Variants in HIPK2 observed in about 807,000 individuals in gnomAD.
HIPK2 encodes homeodomain-interacting protein kinase 2.
A neutral mutation model predicts 113.7 loss-of-function variants in HIPK2; 27 were observed. The ratio of observed to expected loss-of-function variants is 0.24; its 90% confidence interval spans 0.17 to 0.33. The LOEUF is 0.33. Among genes scored for constraint, HIPK2 ranks in the 10% least tolerant of loss-of-function variants. The pLI is 1.00. For missense variants in HIPK2, 1,257 were observed against 1,588.0 expected (o/e 0.79, Z 3.54); for synonymous variants, 631 against 642.2 (o/e 0.98, Z 0.26).
rs542486167 is a variant in HIPK2 at position 139,620,393 on chromosome 7, C to T, written c.1782+8G>A. ...CCCGCCTCTCCTTCCCTTCTGTTTC[C>T]CACTTACCTGGTTGTGGACAGTGGT... On this transcript the variant is annotated splice_region_variant and intron_variant, in intron 7 of 14. Coordinates refer to ENST00000406875, the MANE Select transcript of HIPK2 (RefSeq NM_022740.5). 2.5e-6 allele frequency: 4 copies of T among 1,613,920 alleles called. No individual in the cohort carries two copies. The African/African-American group carries it at 4.0e-5, about 16-fold the overall frequency.
intron 1 of HIPK2, among the ~76,000 whole-genome samples, chr7:139,770,742 A>T (rs1796636482): frequency 6.6e-6 from 1 of 152,250 alleles, no homozygotes; most frequent in African/African-American, 2.4e-5. Context: ...CATGCAGAAG[A>T]ATTGATCAAT....
chr7:139,575,152 C>T lies in HIPK2; in HGVS notation c.3102G>A (p.Gln1034=). The change falls in exon 14 of 15, where the codon CAG becomes CAA. Residue 1034 remains glutamine, a synonymous_variant. Transcript: ENST00000406875. ...RQQRPGPHFQ[Q]QQPLNLSQAQ... The stretch of plus-strand genomic sequence containing the variant: ...CCTGGCTGAGATTGAGTGGCTGCTG[C>T]TGCTGGAAGTGGGGGCCCGGCCGCT... 6.3e-7 allele frequency: 1 copy of T among 1,594,934 alleles called. No individual in the cohort carries two copies. Among genetic ancestry groups the T allele is most frequent in the Non-Finnish European group, 8.5e-7 (1 of 1,171,412 alleles).
At chr7:139,595,112 A>T (rs568181838) in intron 12 of HIPK2, among the ~76,000 whole-genome samples, 1 of 152,258 alleles carries the variant, frequency 6.6e-6, no homozygotes, top group Admixed American at 6.5e-5. Flanking sequence ...GTCAACTCAG[A>T]TCTCATACGT....
intron 2 of HIPK2, among the ~76,000 whole-genome samples, chr7:139,690,385 C>T (rs1429544582): frequency 1.4e-5 from 2 of 144,664 alleles, no homozygotes; most frequent in Non-Finnish European, 2.9e-5. Flanking sequence ...TGTCCCCCTC[C>T]AATCTTATGT....
Position 139,572,044 on chromosome 7 carries a change from G to C in HIPK2, c.*883C>G, listed in dbSNP as rs964099937. 2.0e-4 allele frequency: 31 copies of C among 152,370 alleles called. No homozygotes were observed. Among genetic ancestry groups the C allele is most frequent in the African/African-American group, 7.5e-4 (31 of 41,576 alleles). 9.4% of individuals were successfully genotyped at this position (152,370 alleles called of 1,614,324 possible). A position where few individuals can be genotyped will look rare whatever the true frequency, so the allele number is the denominator to read the frequency against. ...GGGTGCTGAGTGCTACATTCTACTA[G>C]GGTGTCTGTGACGACCGCTAGCCCT... On this transcript the variant is annotated 3_prime_UTR_variant, in exon 15 of 15. Coordinates refer to ENST00000406875, the MANE Select transcript of HIPK2 (RefSeq NM_022740.5).
At chr7:139,623,993 C>A (rs1386622940) in intron 6 of HIPK2, among the ~76,000 whole-genome samples, 1 of 151,856 alleles carries the variant, frequency 6.6e-6, no homozygotes, top group African/African-American at 2.4e-5. Flanking sequence ...GAAGTGAGAC[C>A]CTCCATTACC....
chr7:139,737,508 G>T (rs1035743958), intron 1 of HIPK2, among the ~76,000 whole-genome samples: 5 of 152,126 alleles, frequency 3.3e-5, no homozygotes, highest in Admixed American at 6.5e-5. Context: ...ACTGCAATTT[G>T]CTCATTACCC....
chr7:139,747,962 C>T (rs1796216059), intron 1 of HIPK2, among the ~76,000 whole-genome samples: 1 of 152,194 alleles, frequency 6.6e-6, no homozygotes, highest in Non-Finnish European at 1.5e-5. Context: ...CCGAGAGAGA[C>T]ATCAGTACGG....
At chr7:139,690,968 C>T (rs1204247416) in intron 2 of HIPK2, among the ~76,000 whole-genome samples, 3 of 152,198 alleles carry the variant, frequency 2.0e-5, no homozygotes, top group Non-Finnish European at 4.4e-5. Flanking sequence ...TGGACAATCT[C>T]GGCCTGGGAA....
rs1794139809 is a variant in HIPK2, at chr7:139,683,954, A to G, written c.1103+31978T>C. 8.4e-6 allele frequency among the ~76,000 whole-genome samples: 1 copy of G among 119,542 alleles called. No individual in the cohort carries two copies. 78.4% of individuals were successfully genotyped at this position (119,542 alleles called of 152,430 possible). ...AGCTTGACTGAGCTTTGCAGATACC[A>G]TGATTTTTTTTTTTTACACAAATTG... On this transcript the variant is annotated intron_variant, in intron 2 of 14. Coordinates refer to ENST00000406875, the MANE Select transcript of HIPK2 (RefSeq NM_022740.5). The surrounding 1 kb of genome is among the most constrained non-coding windows in gnomAD (Gnocchi z 4.2).
intron 12 of HIPK2, among the ~76,000 whole-genome samples, chr7:139,588,546 T>A (rs1798913837): frequency 6.8e-6 from 1 of 147,832 alleles, no homozygotes. Context: ...TGTCTACCAA[T>A]AACAACAAAA....
chr7:139,716,922 T>G lies in HIPK2; in HGVS notation c.113A>C (p.Asn38Thr), dbSNP rs758660941. The G allele has an allele frequency of 3.1e-6, 5 of 1,613,824 alleles. No homozygotes were observed. In the Admixed American group the frequency reaches 8.3e-5, roughly 27 times the overall value. The part of the protein sequence containing the change: ...VKKLKIEPSS[N>T]WDMTGYGSHS... The stretch of plus-strand genomic sequence containing the variant: ...GGAGCCGTACCCAGTCATGTCCCAG[T>G]TGGAACTCGGCTCTATTTTCAGTTT... Residue 38 changes from asparagine (N) to threonine (T), a missense_variant, in exon 2 of 15, where the codon AAC (asparagine) becomes ACC (threonine). Asn to Thr is a moderately conservative substitution (Grantham distance 65, BLOSUM62 0). Transcript: ENST00000406875. This position sits in a 1 kb window ranked among gnomAD's most constrained non-coding sequence, Gnocchi z 9.3.
intron 1 of HIPK2, among the ~76,000 whole-genome samples, chr7:139,741,878 G>A (rs1020953454): frequency 1.3e-5 from 2 of 152,216 alleles, no homozygotes; most frequent in Non-Finnish European, 2.9e-5. Context: ...AGAAAACAAA[G>A]ATAAGAACGT....
At chr7:139,691,377 G>A (rs191294075) in intron 2 of HIPK2, among the ~76,000 whole-genome samples, 291 of 152,352 alleles carry the variant, frequency 1.9e-3, no homozygotes, top group Non-Finnish European at 2.9e-3. Context: ...CATATCTGCG[G>A]AGAGAGTGAC....
intron 2 of HIPK2, among the ~76,000 whole-genome samples, chr7:139,682,264 T>G (rs1214152528): frequency 6.6e-6 from 1 of 152,082 alleles, no homozygotes; most frequent in Non-Finnish European, 1.5e-5. Flanking sequence ...ACTCACTCAC[T>G]CATCAAACAT....
intron 2 of HIPK2, among the ~76,000 whole-genome samples, chr7:139,695,321 T>C (rs1265787106): frequency 6.6e-6 from 1 of 152,100 alleles, no homozygotes; most frequent in Non-Finnish European, 1.5e-5. Flanking sequence ...GAACGGAGGG[T>C]TAGGCCTCAC....
At chr7:139,665,036 TCTC>T (rs1046523127) in intron 2 of HIPK2, among the ~76,000 whole-genome samples, 9 of 139,670 alleles carry the variant, frequency 6.4e-5, no homozygotes, top group Non-Finnish European at 9.2e-5. Context: ...CTTCTTTCTC[TCTC>T]TTTTTTTTTT....
At chr7:139,698,184 T>C (rs929168589) in intron 2 of HIPK2, among the ~76,000 whole-genome samples, 1 of 152,238 alleles carries the variant, frequency 6.6e-6, no homozygotes, top group African/African-American at 2.4e-5. Context: ...GATTTTTCTA[T>C]GCTGGGTATT....
At chr7:139,697,975 T>C (rs1794610741) in intron 2 of HIPK2, among the ~76,000 whole-genome samples, 1 of 151,954 alleles carries the variant, frequency 6.6e-6, no homozygotes. Context: ...GCTCAAGTGA[T>C]TCTCATGCCT....
Sources: gnomAD v4.1 joint callset for allele counts (sites outside exome capture counted in the v4.1 genomes callset) on GRCh38, gnomAD v4.1.1 for gene constraint, Gnocchi (gnomAD v3.1) non-coding constraint, MANE v1.5 for transcripts, NCBI Gene and HGNC (gene_info 2026-07-23, HGNC 2026-07-21) for gene names.